RGS21: variants seen among roughly 807,000 people sequenced by gnomAD.
The protein encoded by RGS21 is regulator of G protein signaling 21.
Under a neutral mutation model 18.7 loss-of-function variants are expected in RGS21, and 19 were observed. The observed-to-expected ratio is 1.01, with a 90% confidence interval of 0.71 to 1.49. RGS21 has a LOEUF of 1.49. Ranked by LOEUF, RGS21 falls within the 40% of genes most tolerant of loss-of-function variation. The pLI is 0.00. For missense variants in RGS21, 194 were observed against 176.8 expected, an observed-to-expected ratio of 1.10 and a Z score of -0.55; for synonymous variants, 56 against 57.8, an observed-to-expected ratio of 0.97 and a Z score of 0.14.
At chr1:192,343,115 A>G in intron 2 of RGS21, 68 bp downstream of exon 2, 1 of 1,397,832 alleles carries the variant, frequency 7.2e-7, no homozygotes, top group Non-Finnish European at 1.0e-6. Context: ...GTCTTCTTTT[A>G]GTCTCGATGT....
chr1:192,341,772 T>G (rs1464683124), intron 1 of RGS21, among the ~76,000 whole-genome samples: 5 of 151,868 alleles, frequency 3.3e-5, no homozygotes, highest in Admixed American at 6.6e-5. Flanking sequence ...GTTCTTTTTT[T>G]TTTTTTTTAA....
At chr1:192,354,416 A>G (rs967765148) in intron 4 of RGS21, among the ~76,000 whole-genome samples, 1 of 151,778 alleles carries the variant, frequency 6.6e-6, no homozygotes, top group Non-Finnish European at 1.5e-5. Context: ...TGAGAGCACC[A>G]TTGTATAAAG....
chr1:192,352,345 C>T, intron 4 of RGS21, 132 bp downstream of exon 4: 1 of 570,594 alleles, frequency 1.8e-6, no homozygotes, highest in Non-Finnish European at 2.8e-6. Context: ...CAGTAGATTC[C>T]AAGAGAAATT....
At chr1:192,350,544 A>G (rs1409046443) in intron 3 of RGS21, among the ~76,000 whole-genome samples, 1 of 152,086 alleles carries the variant, frequency 6.6e-6, no homozygotes, top group Non-Finnish European at 1.5e-5. Flanking sequence ...AGCTGCTTGG[A>G]GCACATGCAA....
intron 2 of RGS21, 73 bp downstream of exon 2, chr1:192,343,120 CGAT>C (rs1220385596): frequency 2.3e-5 from 32 of 1,363,416 alleles, no homozygotes; most frequent in Middle Eastern, 1.8e-4. Flanking sequence ...CTTTTAGTCT[CGAT>C]GTTTTATTTC....
intron 1 of RGS21, among the ~76,000 whole-genome samples, chr1:192,339,711 A>T (rs1019724546): frequency 6.6e-6 from 1 of 152,046 alleles, no homozygotes; most frequent in Non-Finnish European, 1.5e-5. Flanking sequence ...TATACTTTTT[A>T]AAAAAATTTT....
At chr1:192,344,628 C>T (rs189995295) in intron 2 of RGS21, among the ~76,000 whole-genome samples, 1 of 152,120 alleles carries the variant, frequency 6.6e-6, no homozygotes, top group East Asian at 1.9e-4. Context: ...CAAGAAACTC[C>T]AAAATTTACA....
chr1:192,328,582 T>C (rs540936711), intron 1 of RGS21, among the ~76,000 whole-genome samples: 2 of 152,302 alleles, frequency 1.3e-5, no homozygotes, highest in Admixed American at 1.3e-4. Flanking sequence ...AAAAACTCAT[T>C]GTTGAAAAAG....
In RGS21 at chr1:192,318,805, T is replaced by C. The variant is rs181170825; in HGVS notation, c.-61+1700T>C. ...ACTTCCAAGAACTATTGCTGATCCA[T>C]GTCATTGTCACCATAAAAACCAGCT... On this transcript the variant is annotated intron_variant, in intron 1 of 4. Transcript: ENST00000417209. Among the ~76,000 whole-genome samples, 3 of 152,252 alleles carry C rather than the reference T, an allele frequency of 2.0e-5. No homozygotes were observed. The East Asian group carries it at 5.8e-4, about 29-fold the overall frequency.
At chr1:192,362,676 G>A (rs1392485425) in intron 4 of RGS21, among the ~76,000 whole-genome samples, 1 of 152,144 alleles carries the variant, frequency 6.6e-6, no homozygotes, top group Non-Finnish European at 1.5e-5. Context: ...ACCAATTGCT[G>A]ATGCTGGCAG....
chr1:192,329,110 A>G (rs549969716), intron 1 of RGS21, among the ~76,000 whole-genome samples: 82 of 152,220 alleles, frequency 5.4e-4, no homozygotes, highest in Admixed American at 1.6e-3. Flanking sequence ...TTTCGATACA[A>G]TAAATCACAA....
chr1:192,357,125 T>G (rs1180862181), intron 4 of RGS21, among the ~76,000 whole-genome samples: 13 of 151,786 alleles, frequency 8.6e-5, no homozygotes, highest in Admixed American at 7.3e-4. Context: ...AATCCAAGTC[T>G]AGAGGATCAG....
intron 1 of RGS21, among the ~76,000 whole-genome samples, chr1:192,336,953 A>G (rs1307262108): frequency 3.9e-5 from 6 of 152,190 alleles, no homozygotes; most frequent in African/African-American, 1.4e-4. Context: ...AGGATGGTAG[A>G]AGTTATTCAT....
At chr1:192,338,314 ATTTG>A (rs1444772123) in intron 1 of RGS21, among the ~76,000 whole-genome samples, 1 of 152,122 alleles carries the variant, frequency 6.6e-6, no homozygotes, top group African/African-American at 2.4e-5. Flanking sequence ...TTCTCTTCCC[ATTTG>A]TTTATGAAAA....
intron 1 of RGS21, among the ~76,000 whole-genome samples, chr1:192,334,291 G>C (rs1459137209): frequency 1.3e-5 from 2 of 151,912 alleles, no homozygotes; most frequent in Non-Finnish European, 2.9e-5. Context: ...CTCACTTTAG[G>C]TTATCACCTT....
At chr1:192,323,215 A>G (rs1658520123) in intron 1 of RGS21, among the ~76,000 whole-genome samples, 1 of 152,126 alleles carries the variant, frequency 6.6e-6, no homozygotes, top group Non-Finnish European at 1.5e-5. Context: ...TACCCCACAA[A>G]CGCAGTTGCC....
intron 1 of RGS21, among the ~76,000 whole-genome samples, chr1:192,335,068 C>T (rs1165597906): frequency 6.6e-6 from 1 of 152,106 alleles, no homozygotes; most frequent in Non-Finnish European, 1.5e-5. Context: ...GTATTATTCT[C>T]ACAGAGCTTA....
chr1:192,324,531 AAAT>A (rs1658539828), intron 1 of RGS21, among the ~76,000 whole-genome samples: 1 of 152,054 alleles, frequency 6.6e-6, no homozygotes, highest in Non-Finnish European at 1.5e-5. Flanking sequence ...GAAAAAACTG[AAAT>A]AATGATTATG....
At chr1:192,358,027 A>G (rs535738274) in intron 4 of RGS21, among the ~76,000 whole-genome samples, 1 of 152,132 alleles carries the variant, frequency 6.6e-6, no homozygotes, top group African/African-American at 2.4e-5. Flanking sequence ...GGGATTGGTG[A>G]TGGAAACAGG....
Sources: allele counts gnomAD v4.1 joint callset (sites outside exome capture counted in the v4.1 genomes callset), GRCh38; gene constraint gnomAD v4.1.1; transcripts MANE v1.5; gene names NCBI Gene and HGNC (gene_info 2026-07-23, HGNC 2026-07-21).